WWOX: variants seen among roughly 807,000 people sequenced by gnomAD.
WWOX encodes the protein WW domain containing oxidoreductase.
In WWOX, 69 loss-of-function variants were observed where a neutral mutation model predicts 46.2. The ratio of observed to expected loss-of-function variants is 1.49; its 90% CI spans 1.23 to 1.82. The LOEUF (loss-of-function observed/expected upper bound fraction) is 1.82. Ranked by LOEUF, WWOX falls within the 40% of genes most tolerant of loss-of-function variation. WWOX has a pLI of 0.00. For synonymous variants in WWOX, 359 were observed against 202.6 expected, an observed-to-expected ratio of 1.77 and a Z score of -6.56; for missense variants, 919 against 542.6, an observed-to-expected ratio of 1.69 and a Z score of -6.89.
At chr16:79,057,463 A>T (rs9939158) in intron 8 of WWOX, among the ~76,000 whole-genome samples, 2 of 151,792 alleles carry the variant, frequency 1.3e-5, no homozygotes, top group East Asian at 3.9e-4. Flanking sequence ...GCTCCTTCTC[A>T]TTAGAGTCTT....
intron 8 of WWOX, among the ~76,000 whole-genome samples, chr16:78,998,618 G>A (rs1002211462): frequency 7.2e-5 from 11 of 152,172 alleles, no homozygotes; most frequent in Admixed American, 5.2e-4. Flanking sequence ...TATACAATAG[G>A]TGTAATAGTA....
intron 8 of WWOX, among the ~76,000 whole-genome samples, chr16:78,557,671 G>A (rs1424655495): frequency 1.4e-5 from 2 of 143,570 alleles, no homozygotes; most frequent in African/African-American, 2.7e-5. Flanking sequence ...ACACATAAGT[G>A]CATTCCTCTA....
chr16:78,981,241 C>G (rs1022971224), intron 8 of WWOX, among the ~76,000 whole-genome samples: 6 of 152,118 alleles, frequency 3.9e-5, no homozygotes, highest in African/African-American at 1.2e-4. Context: ...TCTCCCAACT[C>G]TGCCCTCTTA....
chr16:78,834,776 C>G (rs973878224), intron 8 of WWOX, among the ~76,000 whole-genome samples: 10 of 152,086 alleles, frequency 6.6e-5, no homozygotes, highest in South Asian at 2.1e-4. Context: ...TTGCGTATGT[C>G]AAATCATTAC....
intron 8 of WWOX, among the ~76,000 whole-genome samples, chr16:78,860,912 C>G (rs2043870640): frequency 2.0e-5 from 3 of 152,172 alleles, no homozygotes. Flanking sequence ...ACCTCCCAGG[C>G]CCAGGTGATC....
chr16:79,158,231 G>C (rs556382284), intron 8 of WWOX, among the ~76,000 whole-genome samples: 2 of 152,000 alleles, frequency 1.3e-5, no homozygotes, highest in Non-Finnish European at 2.9e-5. Context: ...CTATTAAGGA[G>C]GAGATGATCA....
At chr16:78,144,895 C>T (rs1168605480) in intron 4 of WWOX, among the ~76,000 whole-genome samples, 1 of 152,112 alleles carries the variant, frequency 6.6e-6, no homozygotes, top group Non-Finnish European at 1.5e-5. Context: ...TAAGAATTTG[C>T]TGCTTGCCAA....
intron 8 of WWOX, among the ~76,000 whole-genome samples, chr16:78,796,454 T>A (rs537444180): frequency 6.6e-6 from 1 of 152,210 alleles, no homozygotes; most frequent in Non-Finnish European, 1.5e-5. Context: ...AGTCACATGA[T>A]CACAACCAAC....
At chr16:78,915,695 A>G (rs977096144) in intron 8 of WWOX, among the ~76,000 whole-genome samples, 3 of 113,888 alleles carry the variant, frequency 2.6e-5, no homozygotes, top group African/African-American at 1.0e-4. Flanking sequence ...CTCCAAAGCC[A>G]TTTAAAAAAA....
intron 8 of WWOX, among the ~76,000 whole-genome samples, chr16:78,688,715 G>C (rs1345638704): frequency 1.3e-5 from 2 of 152,118 alleles, no homozygotes; most frequent in African/African-American, 2.4e-5. Flanking sequence ...GAGTGCTCCT[G>C]GCATCTGGTG....
intron 8 of WWOX, among the ~76,000 whole-genome samples, chr16:79,020,122 A>G (rs1372042374): frequency 1.3e-5 from 2 of 152,204 alleles, no homozygotes; most frequent in African/African-American, 2.4e-5. Context: ...ACTACATGCT[A>G]GATCTCTCCC....
chr16:78,805,900 T>G (rs1357842170), intron 8 of WWOX, among the ~76,000 whole-genome samples: 1 of 152,184 alleles, frequency 6.6e-6, no homozygotes, highest in African/African-American at 2.4e-5. Flanking sequence ...CTTTCTAGCA[T>G]GCCAGGAACA....
chr16:78,856,463 C>T (rs2052568999), intron 8 of WWOX, among the ~76,000 whole-genome samples: 1 of 152,074 alleles, frequency 6.6e-6, no homozygotes, highest in Admixed American at 6.6e-5. Flanking sequence ...GCCAACATCA[C>T]AAAACCTCAT....
intron 8 of WWOX, among the ~76,000 whole-genome samples, chr16:78,591,822 C>T (rs2941932): frequency 6.6e-6 from 1 of 152,106 alleles, no homozygotes; most frequent in Non-Finnish European, 1.5e-5. Context: ...TGACAAAACT[C>T]AAAGAAGATG....
intron 5 of WWOX, among the ~76,000 whole-genome samples, chr16:78,216,305 T>C (rs957431527): frequency 3.9e-5 from 6 of 152,214 alleles, no homozygotes; most frequent in Admixed American, 3.9e-4. Flanking sequence ...TTTGAACACT[T>C]GCAGGTTAGA....
At chr16:78,493,884 G>A (rs534318794) in intron 8 of WWOX, among the ~76,000 whole-genome samples, 98 of 152,306 alleles carry the variant, frequency 6.4e-4, no homozygotes, top group African/African-American at 2.1e-3. Context: ...TTGGATAGAT[G>A]AATGGTAATA....
chr16:78,839,617 T>G (rs2052084373), intron 8 of WWOX, among the ~76,000 whole-genome samples: 1 of 152,204 alleles, frequency 6.6e-6, no homozygotes, highest in African/African-American at 2.4e-5. Flanking sequence ...ATATTTATTT[T>G]CTCATTTTAG....
At chr16:78,413,287 G>A (rs552895346) in intron 6 of WWOX, among the ~76,000 whole-genome samples, 3 of 152,172 alleles carry the variant, frequency 2.0e-5, no homozygotes, top group Non-Finnish European at 4.4e-5. Flanking sequence ...ACGTGTCCAT[G>A]TGAAGAGACC....
At chr16:78,256,043 A>T (rs977705923) in intron 5 of WWOX, among the ~76,000 whole-genome samples, 1 of 149,330 alleles carries the variant, frequency 6.7e-6, no homozygotes, top group Non-Finnish European at 1.5e-5. Flanking sequence ...CCAGCTGCTC[A>T]GGAGGCTGAG....
Sources: gnomAD v4.1 joint callset for allele counts (sites outside exome capture counted in the v4.1 genomes callset) on GRCh38, gnomAD v4.1.1 for gene constraint, MANE v1.5 for transcripts, NCBI Gene and HGNC (gene_info 2026-07-23, HGNC 2026-07-21) for gene names.